MRPS26: variants seen among roughly 807,000 people sequenced by gnomAD.
MRPS26 encodes the protein small ribosomal subunit protein mS26.
In MRPS26, 26 loss-of-function variants were observed where a neutral mutation model predicts 22.7. The observed-to-expected ratio is 1.15, with a 90% CI of 0.84 to 1.59. The LOEUF is 1.59. Among genes scored for constraint, MRPS26 ranks in the 40% most tolerant of loss-of-function variants. The probability of loss-of-function intolerance (pLI) is 0.00; values close to 1 mark genes in which losing one functional copy is unlikely to be tolerated. For synonymous variants in MRPS26, 120 were observed against 124.0 expected, an observed-to-expected ratio of 0.97 and a Z score of 0.22; for missense variants, 291 against 287.7, an observed-to-expected ratio of 1.01 and a Z score of -0.08.
At position 3,048,015 on chromosome 20, in the gene MRPS26, T is replaced by C. The variant is rs561235407; in HGVS notation, c.*146T>C. On this transcript the variant is annotated 3_prime_UTR_variant, in exon 4 of 4. Transcript: ENST00000380325. The surrounding 1 kb of genome is among the most constrained non-coding windows in gnomAD (Gnocchi z 4.1). ...AGCCTTCACGTTTTGCCCTCTGCTG[T>C]CACCACTTGGTCAGAAACTTCCAAA... 2 of 974,872 alleles carry C rather than the reference T, an allele frequency of 2.1e-6. No individual in the cohort carries two copies. Among genetic ancestry groups the C allele is most frequent in the African/African-American group, 1.7e-5 (1 of 59,568 alleles). 60.4% of individuals were successfully genotyped at this position (974,872 alleles called of 1,614,324 possible). A position where few individuals can be genotyped will look rare whatever the true frequency, so the allele number is the denominator to read the frequency against.
chr20:3,047,770 G>A lies in MRPS26; in HGVS notation c.519G>A (p.Leu173=). 6.2e-7 allele frequency: 1 copy of A among 1,613,862 alleles called. No homozygotes were observed. The highest frequency in any genetic ancestry group is 8.5e-7 in the Non-Finnish European group (1 of 1,179,886). The change falls in exon 4 of 4, where the codon CTG becomes CTA. Residue 173 remains leucine (L), a synonymous_variant. Coordinates refer to ENST00000380325, the MANE Select transcript of MRPS26 (RefSeq NM_030811.4). ...AAAACTTCATCACCCGAGAGAACCT[G>A]GAGGCACGGGTGGAAGCAGCATTGG... ...EVKNFITREN[L]EARVEAALDS...
Position 3,046,534 on chromosome 20 carries a change from A to AGGCGG in MRPS26, c.359+26_359+30dup, listed in dbSNP as rs758956071. On this transcript the variant is annotated intron_variant, in intron 2 of 3. Transcript: ENST00000380325. ...CACGAGCTGCGGTGCGTGGGGCGGG[A>AGGCGG]GGCGGGGCGGGGCGGCGCGGCCTGG... 1.1e-3 allele frequency: 1,599 copies of AGGCGG among 1,522,726 alleles called. 3 individuals carry two copies. The highest frequency in any genetic ancestry group is 1.4e-3 in the Admixed American group (65 of 47,602). The allele number at this position is 1,522,726 out of a possible 1,614,324, so 94.3% of individuals were successfully genotyped here.
rs751762030 is a variant in MRPS26 at position 3,046,114 on chromosome 20, C to T, written c.46C>T (p.Pro16Ser). 8 of 1,572,498 alleles carry T rather than the reference C, an allele frequency of 5.1e-6. No homozygotes were observed. In the Admixed American group the frequency reaches 8.8e-5, roughly 17 times the overall value. ...SRLGAGTPCR[P>S]RAPLVLPARG... ...CCTGGGCGCGGGGACCCCGTGCAGG[C>T]CCCGGGCCCCTCTGGTGCTGCCAGC... Residue 16 changes from proline to serine, a missense_variant, in exon 1 of 4, where the codon CCC (proline) becomes TCC (serine). Coordinates refer to ENST00000380325, the MANE Select transcript of MRPS26 (RefSeq NM_030811.4).
Position 3,047,843 on chromosome 20 carries a change from G to A in MRPS26, c.592G>A (p.Val198Ile), listed in dbSNP as rs144394625. 1,175 of 1,612,952 alleles carry A rather than the reference G, an allele frequency of 7.3e-4. 1 individual carries two copies. Among genetic ancestry groups the A allele is most frequent in the Non-Finnish European group, 9.1e-4 (1,070 of 1,179,538 alleles). Residue 198 changes from valine to isoleucine, a missense_variant, in exon 4 of 4, where the codon GTC becomes ATC. Transcript: ENST00000380325. ...NWAITREGLV[V>I]RPQRRDS The stretch of plus-strand genomic sequence containing the variant: ...GGCCATCACCAGAGAGGGGCTGGTG[G>A]TCAGGCCACAACGCAGGGACTCCTA...
chr20:3,048,207 G>A lies in MRPS26; in HGVS notation c.*338G>A, dbSNP rs1196888254. 3 of 201,522 alleles carry A rather than the reference G, an allele frequency of 1.5e-5. No individual in the cohort carries two copies. Among genetic ancestry groups the A allele is most frequent in the Non-Finnish European group, 3.0e-5 (3 of 100,820 alleles). 12.5% of individuals were successfully genotyped at this position (201,522 alleles called of 1,614,324 possible). On this transcript the variant is annotated 3_prime_UTR_variant, in exon 4 of 4. Transcript: ENST00000380325. The surrounding 1 kb of genome is among the most constrained non-coding windows in gnomAD (Gnocchi z 4.1). ...GAAGATTACAGTCTGAGGGCCAAAC[G>A]TGCCTGCTTCCTGTTTTTGTAAATA...
In MRPS26 at chr20:3,046,155, C is replaced by T. The variant is rs1407303583; in HGVS notation, c.87C>T (p.Thr29=). 1 of 1,596,984 alleles carries T rather than the reference C, an allele frequency of 6.3e-7. No individual in the cohort carries two copies. Among genetic ancestry groups the T allele is most frequent in the South Asian group, 1.1e-5 (1 of 90,830 alleles). ...PLVLPARGRK[T]RHDPLAKSKI... Reference sequence around the variant, plus strand: ...TGCTGCCAGCGCGCGGCCGCAAGACCCGCCACGACCCGCTGGCCAAATCCA... The same window carrying T: ...TGCTGCCAGCGCGCGGCCGCAAGACTCGCCACGACCCGCTGGCCAAATCCA... Residue 29 remains threonine (T), a synonymous_variant, in exon 1 of 4, where the codon ACC becomes ACT. Coordinates refer to ENST00000380325, the MANE Select transcript of MRPS26 (RefSeq NM_030811.4).
rs767986988 is a variant in MRPS26, at chr20:3,046,143, C to T, written c.75C>T (p.Arg25=). 1.9e-6 allele frequency: 3 copies of T among 1,593,802 alleles called. No individual in the cohort carries two copies. Among genetic ancestry groups the T allele is most frequent in the South Asian group, 2.2e-5 (2 of 90,380 alleles). ...GGGCCCCTCTGGTGCTGCCAGCGCG[C>T]GGCCGCAAGACCCGCCACGACCCGC... ...RPRAPLVLPA[R]GRKTRHDPLA... is the part of the protein sequence containing the mutation. Residue 25 remains arginine, a synonymous_variant, in exon 1 of 4, where the codon CGC becomes CGT. Transcript: ENST00000380325.
In MRPS26 at chr20:3,046,082, T is replaced by G; in HGVS notation, c.14T>G (p.Leu5Arg). Residue 5 changes from leucine to arginine, a missense_variant, in exon 1 of 4, where the codon CTG (leucine) becomes CGG (arginine). Coordinates refer to ENST00000380325, the MANE Select transcript of MRPS26 (RefSeq NM_030811.4). MLRA[L>R]SRLGAGTPCR... ...GGAGACTCGGCCATGCTACGCGCGCTGAGCCGCCTGGGCGCGGGGACCCCG... is the reference window on the plus strand; with the variant it reads ...GGAGACTCGGCCATGCTACGCGCGCGGAGCCGCCTGGGCGCGGGGACCCCG... The G allele has an allele frequency of 1.3e-6, 2 of 1,523,320 alleles. No individual in the cohort carries two copies. Among genetic ancestry groups the G allele is most frequent in the Non-Finnish European group, 1.7e-6 (2 of 1,143,680 alleles). 94.4% of individuals were successfully genotyped at this position (1,523,320 alleles called of 1,614,324 possible).
At position 3,046,401 on chromosome 20, in the gene MRPS26, A is replaced by G. The variant is rs916113099; in HGVS notation, c.241A>G (p.Lys81Glu). 1.9e-6 allele frequency: 3 copies of G among 1,608,172 alleles called. No individual in the cohort carries two copies. In the African/African-American group the frequency reaches 4.0e-5, roughly 22 times the overall value. Residue 81 changes from lysine to glutamate, a missense_variant, in exon 2 of 4, where the codon AAG becomes GAG. Coordinates refer to ENST00000380325, the MANE Select transcript of MRPS26 (RefSeq NM_030811.4). ...GGAGTTCGTGTCCGAGGTGCAGAGGAAGGTGCACGAGGCCCGAGCCGGGGT... is the reference window on the plus strand; with the variant it reads ...GGAGTTCGTGTCCGAGGTGCAGAGGGAGGTGCACGAGGCCCGAGCCGGGGT... ...RMEFVSEVQR[K>E]VHEARAGVLA...
In MRPS26 at chr20:3,046,472, G is replaced by A; in HGVS notation, c.312G>A (p.Glu104=). ...TGAAGGACGCCGCCGAGCACCGCGA[G>A]CTGATGGCCTGGAACCAGGCGGAGA... The part of the protein sequence containing the change: ...KALKDAAEHR[E]LMAWNQAENR... The change falls in exon 2 of 4, where the codon GAG becomes GAA. Residue 104 remains glutamate, a synonymous_variant. Transcript: ENST00000380325. The A allele has an allele frequency of 6.3e-7, 1 of 1,588,648 alleles. No homozygotes were observed. Among genetic ancestry groups the A allele is most frequent in the East Asian group, 2.3e-5 (1 of 43,952 alleles).
In MRPS26 at chr20:3,046,266, C is replaced by G. The variant is rs556377980; in HGVS notation, c.198C>G (p.Thr66=). ...AGCGTTACCAGCACTACCGCCAGAC[C>G]GTGCGCGCCCTCAGGTGTGCGGCCG... ...LMERYQHYRQ[T]VRALRMEFVS... The change falls in exon 1 of 4, where the codon ACC becomes ACG. Residue 66 remains threonine (T), a synonymous_variant. Transcript: ENST00000380325. The G allele has an allele frequency of 8.1e-6, 13 of 1,606,946 alleles. No individual in the cohort carries two copies. The highest frequency in any genetic ancestry group is 1.6e-4 in the Middle Eastern group (1 of 6,080).
In MRPS26 at chr20:3,046,250, A is replaced by G. The variant is rs1568720391; in HGVS notation, c.182A>G (p.Gln61Arg). Residue 61 changes from glutamine (Q) to arginine (R), a missense_variant, in exon 1 of 4, where the codon CAG becomes CGG. Transcript: ENST00000380325. ...AEFFVLMERY[Q>R]HYRQTVRALR... is the part of the protein sequence containing the mutation. ...TTCTTCGTGCTGATGGAGCGTTACC[A>G]GCACTACCGCCAGACCGTGCGCGCC... 7 of 1,606,876 alleles carry G rather than the reference A, an allele frequency of 4.4e-6. No homozygotes were observed. Among genetic ancestry groups the G allele is most frequent in the Non-Finnish European group, 5.1e-6 (6 of 1,179,566 alleles).
intron 3 of MRPS26, 53 bp downstream of exon 3, chr20:3,046,790 G>A: frequency 6.6e-7 from 1 of 1,522,768 alleles, no homozygotes; most frequent in Non-Finnish European, 8.8e-7. Context: ...GGCTTGCGGG[G>A]CACTGGGAAT....
intron 3 of MRPS26, 84 bp downstream of exon 3, chr20:3,046,821 C>T: frequency 2.7e-6 from 4 of 1,504,144 alleles, no homozygotes; most frequent in Non-Finnish European, 3.5e-6. Context: ...GCGACGCGGG[C>T]GCTGGCTATG....
chr20:3,046,667 A>AGCAGGCCCGCAAGGCCGAAGAGGT lies in MRPS26; in HGVS notation c.421_444dup (p.Arg141_Ala148dup). 1 of 1,543,820 alleles carries AGCAGGCCCGCAAGGCCGAAGAGGT rather than the reference A, an allele frequency of 6.5e-7. No individual in the cohort carries two copies. Among genetic ancestry groups the AGCAGGCCCGCAAGGCCGAAGAGGT allele is most frequent in the Non-Finnish European group, 8.7e-7 (1 of 1,143,746 alleles). ...GAGCAGGAGCAGCGGCAGGCGTTGG[A>AGCAGGCCCGCAAGGCCGAAGAGGT]GCAGGCCCGCAAGGCCGAAGAGGTG... On this transcript the variant is annotated inframe_insertion, in exon 3 of 4. Coordinates refer to ENST00000380325, the MANE Select transcript of MRPS26 (RefSeq NM_030811.4).
chr20:3,046,538 G>C lies in MRPS26; in HGVS notation c.359+19G>C, dbSNP rs779976148. Reference sequence around the variant, plus strand: ...AGCTGCGGTGCGTGGGGCGGGAGGCGGGGCGGGGCGGCGCGGCCTGGCCGG... The same window carrying C: ...AGCTGCGGTGCGTGGGGCGGGAGGCCGGGCGGGGCGGCGCGGCCTGGCCGG... On this transcript the variant is annotated intron_variant, in intron 2 of 3. Transcript: ENST00000380325. 1 of 1,512,168 alleles carries C rather than the reference G, an allele frequency of 6.6e-7. No individual in the cohort carries two copies. The highest frequency in any genetic ancestry group is 8.8e-7 in the Non-Finnish European group (1 of 1,135,152). 93.7% of individuals were successfully genotyped at this position (1,512,168 alleles called of 1,614,324 possible). A position where few individuals can be genotyped will look rare whatever the true frequency, so the allele number is the denominator to read the frequency against.
chr20:3,047,871 G>A lies in MRPS26; in HGVS notation c.*2G>A. 1 of 1,601,744 alleles carries A rather than the reference G, an allele frequency of 6.2e-7. No homozygotes were observed. Among genetic ancestry groups the A allele is most frequent in the Non-Finnish European group, 8.5e-7 (1 of 1,176,458 alleles). Reference sequence around the variant, plus strand: ...AGGCCACAACGCAGGGACTCCTAGGGGCCCAGTAAGGACAGTGCCCGCCAG... The same window carrying A: ...AGGCCACAACGCAGGGACTCCTAGGAGCCCAGTAAGGACAGTGCCCGCCAG... On this transcript the variant is annotated 3_prime_UTR_variant, in exon 4 of 4. Coordinates refer to ENST00000380325, the MANE Select transcript of MRPS26 (RefSeq NM_030811.4).
chr20:3,047,732 T>C lies in MRPS26; in HGVS notation c.484-3T>C, dbSNP rs1242973184. On this transcript the variant is annotated splice_polypyrimidine_tract_variant and splice_region_variant and intron_variant, in intron 3 of 3. Coordinates refer to ENST00000380325, the MANE Select transcript of MRPS26 (RefSeq NM_030811.4). ...GTTCAGCTGGGCTTTTCTCTCCCGA[T>C]AGGAAGAGGTGAAAAACTTCATCAC... 2 of 1,613,054 alleles carry C rather than the reference T, an allele frequency of 1.2e-6. No homozygotes were observed.
rs1345927001 is a variant in MRPS26 at position 3,047,923 on chromosome 20, A to G, written c.*54A>G. 1.2e-5 allele frequency: 19 copies of G among 1,545,520 alleles called. No homozygotes were observed. The highest frequency in any genetic ancestry group is 1.5e-5 in the Non-Finnish European group (17 of 1,151,978). ...GACCATGTATGTATCATGGCGGAAG[A>G]GTTGGCCCTGACCTGGAATAAAGCA... On this transcript the variant is annotated 3_prime_UTR_variant, in exon 4 of 4. Coordinates refer to ENST00000380325, the MANE Select transcript of MRPS26 (RefSeq NM_030811.4).
Sources: gnomAD v4.1 joint callset for allele counts on GRCh38, gnomAD v4.1.1 for gene constraint, Gnocchi (gnomAD v3.1) non-coding constraint, MANE v1.5 for transcripts, NCBI Gene and HGNC (gene_info 2026-07-23, HGNC 2026-07-21) for gene names.